The following DVL3 variants were observed in gnomAD, a reference collection of about 807,000 sequenced individuals.
DVL3 encodes segment polarity protein dishevelled homolog DVL-3.
In DVL3, 27 loss-of-function variants were observed where a neutral mutation model predicts 67.4. The observed-to-expected ratio is 0.40, with a 90% confidence interval of 0.30 to 0.55. The LOEUF is 0.55. Among genes scored for constraint, DVL3 ranks in the 20% least tolerant of loss-of-function variants. The pLI, the probability that DVL3 is intolerant of heterozygous loss-of-function variation, is 0.46. For synonymous variants in DVL3, 369 were observed against 396.8 expected, an observed-to-expected ratio of 0.93 and a Z score of 0.83; for missense variants, 819 against 1,021.5, an observed-to-expected ratio of 0.80 and a Z score of 2.70.
rs748456329 is a variant in DVL3, at chr3:184,163,419, A to G, written c.162-238A>G. Among the ~76,000 whole-genome samples the G allele has an allele frequency of 2.0e-5, 3 of 152,108 alleles. No homozygotes were observed. Among genetic ancestry groups the G allele is most frequent in the Non-Finnish European group, 4.4e-5 (3 of 68,026 alleles). ...AGTGATGTGTCAGTTGTAATTTGCAATCACCTGATGACTGAGAGGATGCCC... is the reference window on the plus strand; with the variant it reads ...AGTGATGTGTCAGTTGTAATTTGCAGTCACCTGATGACTGAGAGGATGCCC... On this transcript the variant is annotated intron_variant, in intron 1 of 14. Transcript: ENST00000313143. The surrounding 1 kb of genome is among the most constrained non-coding windows in gnomAD (Gnocchi z 4.5).
chr3:184,168,262 T>G (rs1013263476), intron 13 of DVL3, among the ~76,000 whole-genome samples, 197 bp downstream of exon 13: 3 of 152,240 alleles, frequency 2.0e-5, no homozygotes, highest in Admixed American at 6.5e-5. Flanking sequence ...CTCTTGGGCC[T>G]GGCATTTTCT....
In DVL3 at chr3:184,169,989, G is replaced by T; in HGVS notation, c.1499-17G>T. On this transcript the variant is annotated splice_polypyrimidine_tract_variant and intron_variant, in intron 13 of 14. Coordinates refer to ENST00000313143, the MANE Select transcript of DVL3 (RefSeq NM_004423.4). ...TCTCCGGAAAGACCTAGCTCCATCCGGCCCTCCCCTTCACAGACATGGCCA... is the reference window on the plus strand; with the variant it reads ...TCTCCGGAAAGACCTAGCTCCATCCTGCCCTCCCCTTCACAGACATGGCCA... The T allele has an allele frequency of 6.3e-7, 1 of 1,586,570 alleles. No homozygotes were observed. The highest frequency in any genetic ancestry group is 2.2e-5 in the East Asian group (1 of 44,446).
chr3:184,170,163 C>A lies in DVL3; in HGVS notation c.1656C>A (p.Gly552=). ...PPPHPYNPHP[G]FPELGYSYGG... is the part of the protein sequence containing the mutation. ...CGCACCCATACAACCCGCACCCGGG[C>A]TTCCCGGAGCTGGGCTACAGCTACG... Residue 552 remains glycine (G), a synonymous_variant, in exon 14 of 15, where the codon GGC becomes GGA. Coordinates refer to ENST00000313143, the MANE Select transcript of DVL3 (RefSeq NM_004423.4). The surrounding 1 kb of genome is among the most constrained non-coding windows in gnomAD (Gnocchi z 6.5). 6.2e-7 allele frequency: 1 copy of A among 1,613,568 alleles called. No individual in the cohort carries two copies. Among genetic ancestry groups the A allele is most frequent in the Non-Finnish European group, 8.5e-7 (1 of 1,179,942 alleles).
chr3:184,163,304 G>T lies in DVL3; in HGVS notation c.162-353G>T, dbSNP rs1714448178. 6.6e-6 allele frequency among the ~76,000 whole-genome samples: 1 copy of T among 152,068 alleles called. No homozygotes were observed. The highest frequency in any genetic ancestry group is 2.4e-5 in the African/African-American group (1 of 41,352). On this transcript the variant is annotated intron_variant, in intron 1 of 14. Transcript: ENST00000313143. The surrounding 1 kb of genome is among the most constrained non-coding windows in gnomAD (Gnocchi z 4.5). ...AATTGTATGCTTTTTTCCAATTAGGGATCAGAGGGAAAGAGAAAGTCTAGC... is the reference window on the plus strand; with the variant it reads ...AATTGTATGCTTTTTTCCAATTAGGTATCAGAGGGAAAGAGAAAGTCTAGC...
chr3:184,164,756 C>G lies in DVL3; in HGVS notation c.464-40C>G, dbSNP rs754987402. 5.0e-6 allele frequency: 8 copies of G among 1,613,666 alleles called. No individual in the cohort carries two copies. The highest frequency in any genetic ancestry group is 4.5e-5 in the East Asian group (2 of 44,876). On this transcript the variant is annotated intron_variant, in intron 4 of 14. Transcript: ENST00000313143. This position sits in a 1 kb window ranked among gnomAD's most constrained non-coding sequence, Gnocchi z 5.3. ...CCTCTCTCCCTCCTTCACCCCTGCA[C>G]TGGGCACTGTGTAAACCCAACTGCT...
At chr3:184,159,444 A>C (rs1425011095) in intron 1 of DVL3, among the ~76,000 whole-genome samples, 1 of 99,310 alleles carries the variant, frequency 1.0e-5, no homozygotes, top group East Asian at 3.2e-4. Flanking sequence ...GCTCACTGCA[A>C]CCTCTGCCTC....
At chr3:184,168,736 T>C (rs1714689445) in intron 13 of DVL3, among the ~76,000 whole-genome samples, 1 of 152,132 alleles carries the variant, frequency 6.6e-6, no homozygotes, top group Non-Finnish European at 1.5e-5. Flanking sequence ...CAGTTGTAGC[T>C]CTCTTGGAGC....
Position 184,166,525 on chromosome 3 carries a change from A to T in DVL3, c.980+3A>T. ...CGGGAGATTGTGCACAAACCGGGGT[A>T]TGGATGGAATGGGGCACTGGGCAAG... On this transcript the variant is annotated splice_donor_region_variant and intron_variant, in intron 9 of 14. Transcript: ENST00000313143. This position sits in a 1 kb window ranked among gnomAD's most constrained non-coding sequence, Gnocchi z 6.7. The T allele has an allele frequency of 6.2e-7, 1 of 1,614,168 alleles. No homozygotes were observed. Among genetic ancestry groups the T allele is most frequent in the Non-Finnish European group, 8.5e-7 (1 of 1,180,012 alleles).
chr3:184,160,749 A>G (rs896148888), intron 1 of DVL3, among the ~76,000 whole-genome samples: 1 of 152,160 alleles, frequency 6.6e-6, no homozygotes, highest in Non-Finnish European at 1.5e-5. Flanking sequence ...GCAGGGAGGT[A>G]GGGACTCAGC....
chr3:184,164,295 A>G lies in DVL3; in HGVS notation c.260A>G (p.Asp87Gly). The G allele has an allele frequency of 6.2e-7, 1 of 1,614,000 alleles. No homozygotes were observed. Among genetic ancestry groups the G allele is most frequent in the Non-Finnish European group, 8.5e-7 (1 of 1,179,982 alleles). Residue 87 changes from aspartate to glycine, a missense_variant, in exon 3 of 15, where the codon GAC (aspartate) becomes GGC (glycine). By Grantham distance (94) the Asp-to-Gly change is moderately conservative. Coordinates refer to ENST00000313143, the MANE Select transcript of DVL3 (RefSeq NM_004423.4). The surrounding 1 kb of genome is among the most constrained non-coding windows in gnomAD (Gnocchi z 5.3). The stretch of plus-strand genomic sequence containing the variant: ...GTGTCAGCTGAGGGCTCACACCCAG[A>G]CCCAGCCCCCTTCTGTGCTGATAAC... ...WLVSAEGSHP[D>G]PAPFCADNPS... is the part of the protein sequence containing the mutation.
intron 1 of DVL3, among the ~76,000 whole-genome samples, chr3:184,162,560 C>CTTTTTTTTTTTTTT (rs35869796): frequency 5.7e-5 from 7 of 123,542 alleles, no homozygotes; most frequent in Middle Eastern, 4.3e-3. Context: ...TTTTTCTTTT[C>CTTTTTTTTTTTTTT]TTTTTTTTTT....
At position 184,167,864 on chromosome 3, in the gene DVL3, G is replaced by A. The variant is rs1462666519; in HGVS notation, c.1331-34G>A. The A allele has an allele frequency of 6.2e-7, 1 of 1,614,010 alleles. No homozygotes were observed. The highest frequency in any genetic ancestry group is 2.2e-5 in the East Asian group (1 of 44,888). On this transcript the variant is annotated intron_variant, in intron 12 of 14. Coordinates refer to ENST00000313143, the MANE Select transcript of DVL3 (RefSeq NM_004423.4). The surrounding 1 kb of genome is among the most constrained non-coding windows in gnomAD (Gnocchi z 4.6). ...GAGGCCAGATGAGTCCAAGTCAGAT[G>A]GGCCTCCCCATCAACTGGCAGCCTT...
chr3:184,161,865 G>GT (rs1479912924), intron 1 of DVL3, among the ~76,000 whole-genome samples: 1 of 152,214 alleles, frequency 6.6e-6, no homozygotes, highest in Non-Finnish European at 1.5e-5. Flanking sequence ...CCTTGGACAA[G>GT]TTAACTGAAT....
Position 184,155,445 on chromosome 3 carries a change from AGCGGCGGCC to A in DVL3, c.-182_-174del. 6.0e-6 allele frequency: 1 copy of A among 166,384 alleles called. No homozygotes were observed. The highest frequency in any genetic ancestry group is 1.2e-5 in the Non-Finnish European group (1 of 81,754). The allele number at this position is 166,384 out of a possible 1,614,324, so 10.3% of individuals were successfully genotyped here. ...TCCAGTCGGGAGAGTGGGGAGCGGA[AGCGGCGGCC>A]GCGGCGGCGGCGGGCGGCGCTGGGA... On this transcript the variant is annotated 5_prime_UTR_variant, in exon 1 of 15. Transcript: ENST00000313143. This position sits in a 1 kb window ranked among gnomAD's most constrained non-coding sequence, Gnocchi z 5.4.
chr3:184,164,419 C>T lies in DVL3; in HGVS notation c.353+31C>T, dbSNP rs779075428. On this transcript the variant is annotated intron_variant, in intron 3 of 14. Transcript: ENST00000313143. The surrounding 1 kb of genome is among the most constrained non-coding windows in gnomAD (Gnocchi z 5.3). ...TGTGACCTGAGGGTGGGGAGGGCCG[C>T]ATCAGTTCAGCCCAGGGCTGGGGGA... 1 of 1,610,490 alleles carries T rather than the reference C, an allele frequency of 6.2e-7. No homozygotes were observed. The highest frequency in any genetic ancestry group is 8.5e-7 in the Non-Finnish European group (1 of 1,177,928).
In DVL3 at chr3:184,170,521, C is replaced by T. The variant is rs754595589; in HGVS notation, c.1917C>T (p.Ser639=). ...ASEHSHRSHH[S]LASSLRSHHT... is the part of the protein sequence containing the mutation. ...AGCACAGCCACCGCAGCCACCATTCCCTGGCCAGCAGCCTTCGCAGCCACC... is the reference window on the plus strand; with the variant it reads ...AGCACAGCCACCGCAGCCACCATTCTCTGGCCAGCAGCCTTCGCAGCCACC... The change falls in exon 15 of 15, where the codon TCC becomes TCT. Residue 639 remains serine, a synonymous_variant. Transcript: ENST00000313143. The surrounding 1 kb of genome is among the most constrained non-coding windows in gnomAD (Gnocchi z 6.5). 6 of 1,609,290 alleles carry T rather than the reference C, an allele frequency of 3.7e-6. No homozygotes were observed. The highest frequency in any genetic ancestry group is 2.7e-5 in the African/African-American group (2 of 74,830).
rs776567895 is a variant in DVL3, at chr3:184,165,831, G to A, written c.764-295G>A. 2.0e-5 allele frequency among the ~76,000 whole-genome samples: 3 copies of A among 152,212 alleles called. No homozygotes were observed. The highest frequency in any genetic ancestry group is 4.4e-5 in the Non-Finnish European group (3 of 68,044). On this transcript the variant is annotated intron_variant, in intron 7 of 14. Coordinates refer to ENST00000313143, the MANE Select transcript of DVL3 (RefSeq NM_004423.4). This position sits in a 1 kb window ranked among gnomAD's most constrained non-coding sequence, Gnocchi z 4.1. Reference sequence around the variant, plus strand: ...GAGACAGCTGGATATAGTAAAAGGAGCCCAACTATGGGATTTAAATCTGAG... The same window carrying A: ...GAGACAGCTGGATATAGTAAAAGGAACCCAACTATGGGATTTAAATCTGAG...
chr3:184,160,693 G>C (rs1714350519), intron 1 of DVL3, among the ~76,000 whole-genome samples: 1 of 152,308 alleles, frequency 6.6e-6, no homozygotes, highest in African/African-American at 2.4e-5. Context: ...CCCAGAAAGA[G>C]AGGAAACGTG....
In DVL3 at chr3:184,165,624, A is replaced by G. The variant is rs1577049309; in HGVS notation, c.763+133A>G. 4.1e-6 allele frequency: 3 copies of G among 737,268 alleles called. No individual in the cohort carries two copies. Among genetic ancestry groups the G allele is most frequent in the Non-Finnish European group, 7.0e-6 (3 of 429,790 alleles). The allele number at this position is 737,268 out of a possible 1,614,324, so 45.7% of individuals were successfully genotyped here. ...TTCGTAAACATCAGCTGATACATAA[A>G]CTGATCATTTTAGTATCTCACCATC... On this transcript the variant is annotated intron_variant, in intron 7 of 14. Transcript: ENST00000313143. The surrounding 1 kb of genome is among the most constrained non-coding windows in gnomAD (Gnocchi z 4.1).
Sources: allele counts gnomAD v4.1 joint callset (sites outside exome capture counted in the v4.1 genomes callset), GRCh38; gene constraint gnomAD v4.1.1; non-coding constraint Gnocchi (gnomAD v3.1); transcripts MANE v1.5; gene names NCBI Gene and HGNC (gene_info 2026-07-23, HGNC 2026-07-21).